RSBN1L: variants seen among roughly 807,000 people sequenced by gnomAD.
RSBN1L encodes the protein round spermatid basic protein 1 like.
A neutral mutation model predicts 67.7 loss-of-function variants in RSBN1L; 30 were observed. The ratio of observed to expected loss-of-function variants is 0.44; its 90% CI spans 0.33 to 0.60. The LOEUF (loss-of-function observed/expected upper bound fraction) is 0.60, where lower values mean the gene tolerates loss of function less well. RSBN1L is among the 20% of genes least tolerant of loss of function. The pLI, the probability that RSBN1L is intolerant of heterozygous loss-of-function variation, is 0.02. For synonymous variants in RSBN1L, 433 were observed against 387.0 expected (o/e 1.12, Z -1.39); for missense variants, 992 against 1,031.7 (o/e 0.96, Z 0.53).
rs996189007 is a variant in RSBN1L, at chr7:77,731,847, T to G, written c.587-4563T>G. Among the ~76,000 whole-genome samples the G allele has an allele frequency of 2.0e-5, 3 of 148,374 alleles. No homozygotes were observed. In the East Asian group the frequency reaches 5.9e-4, roughly 29 times the overall value. ...CATACCACTTCTCCTAGTTTAGACT[T>G]TTTTTTTTTTGGTATGTGGATATCC... On this transcript the variant is annotated intron_variant, in intron 1 of 7. Coordinates refer to ENST00000334955, the MANE Select transcript of RSBN1L (RefSeq NM_198467.3).
intron 2 of RSBN1L, among the ~76,000 whole-genome samples, chr7:77,746,856 T>A (rs1791490866): frequency 6.6e-6 from 1 of 152,180 alleles, no homozygotes; most frequent in African/African-American, 2.4e-5. Flanking sequence ...CATTAAACCT[T>A]AAAGCTCCAA....
rs530012596 is a variant in RSBN1L at position 77,723,623 on chromosome 7, C to T, written c.587-12787C>T. ...AGCTGGGACTGCAGGCATGTACCAC[C>T]ATGCCCAGTTAATTTAAAAAGAATT... On this transcript the variant is annotated intron_variant, in intron 1 of 7. Coordinates refer to ENST00000334955, the MANE Select transcript of RSBN1L (RefSeq NM_198467.3). 1.8e-3 allele frequency among the ~76,000 whole-genome samples: 273 copies of T among 152,196 alleles called. 2 individuals are homozygous for T. Among genetic ancestry groups the T allele is most frequent in the African/African-American group, 5.9e-3 (247 of 41,558 alleles).
intron 6 of RSBN1L, 35 bp downstream of exon 6, chr7:77,773,349 T>G (rs1481011593): frequency 2.2e-6 from 3 of 1,366,488 alleles, no homozygotes; most frequent in Non-Finnish European, 1.9e-6. Context: ...ATGAAAGAAT[T>G]TCTTGGCTTC....
intron 1 of RSBN1L, among the ~76,000 whole-genome samples, chr7:77,719,991 C>T (rs1295530211): frequency 6.6e-6 from 1 of 152,188 alleles, no homozygotes; most frequent in Non-Finnish European, 1.5e-5. Context: ...CCTTGAACTC[C>T]TGGCCTCAAG....
At chr7:77,726,586 T>C (rs1040118703) in intron 1 of RSBN1L, among the ~76,000 whole-genome samples, 2 of 152,146 alleles carry the variant, frequency 1.3e-5, no homozygotes, top group Non-Finnish European at 2.9e-5. Context: ...GATTTCGTGT[T>C]CCTCAGCTCG....
intron 5 of RSBN1L, among the ~76,000 whole-genome samples, chr7:77,770,353 C>T (rs139357662): frequency 3.0e-3 from 441 of 146,926 alleles, no homozygotes; most frequent in African/African-American, 0.01. Flanking sequence ...CCAGCCTGGC[C>T]GATAGAGCGA....
chr7:77,710,882 G>A (rs375261071), intron 1 of RSBN1L, among the ~76,000 whole-genome samples: 10 of 152,036 alleles, frequency 6.6e-5, no homozygotes, highest in East Asian at 1.9e-4. Context: ...TTAAGCCACC[G>A]TGCCCAGCCT....
At position 77,713,317 on chromosome 7, in the gene RSBN1L, C is replaced by A. The variant is rs556719065; in HGVS notation, c.586+16262C>A. 3.3e-5 allele frequency among the ~76,000 whole-genome samples: 5 copies of A among 151,522 alleles called. 1 individual carries two copies. The South Asian group carries it at 1.0e-3, about 32-fold the overall frequency. ...TTTTCTGTTTTTATGTACTCAAATT[C>A]ATCAGTAATTTAATTTTTTGGCTTT... On this transcript the variant is annotated intron_variant, in intron 1 of 7. Coordinates refer to ENST00000334955, the MANE Select transcript of RSBN1L (RefSeq NM_198467.3).
rs71529102 is a variant in RSBN1L at position 77,703,477 on chromosome 7, G to GTTTTTTTTTTT, written c.586+6442_586+6452dup. Among the ~76,000 whole-genome samples the GTTTTTTTTTTT allele has an allele frequency of 4.4e-4, 27 of 61,608 alleles. 2 individuals are homozygous for GTTTTTTTTTTT. Among genetic ancestry groups the GTTTTTTTTTTT allele is most frequent in the Admixed American group, 6.1e-4 (2 of 3,272 alleles). 40.4% of individuals were successfully genotyped at this position (61,608 alleles called of 152,430 possible). A position where few individuals can be genotyped will look rare whatever the true frequency, so the allele number is the denominator to read the frequency against. On this transcript the variant is annotated intron_variant, in intron 1 of 7. Transcript: ENST00000334955. ...GTGTCTCTTTTTTCCTACTGTTTGGGTTTTTTTTTTTTTTTTTTTTTTTTT... is the reference window on the plus strand; with the variant it reads ...GTGTCTCTTTTTTCCTACTGTTTGGGTTTTTTTTTTTTTTTTTTTTTTTTTTTTTTTTTTTT...
At chr7:77,727,027 C>T (rs1024110264) in intron 1 of RSBN1L, among the ~76,000 whole-genome samples, 20 of 151,614 alleles carry the variant, frequency 1.3e-4, no homozygotes, top group African/African-American at 3.4e-4. Flanking sequence ...GTGATCCACC[C>T]GCCTTGGCCT....
intron 1 of RSBN1L, among the ~76,000 whole-genome samples, chr7:77,705,380 TGA>T (rs1454236148): frequency 1.3e-5 from 2 of 152,166 alleles, no homozygotes; most frequent in Admixed American, 6.5e-5. Context: ...ACAATTTTGG[TGA>T]GAGTGTTTCC....
intron 1 of RSBN1L, among the ~76,000 whole-genome samples, chr7:77,720,901 C>CCCGAGTA (rs2150416053): frequency 6.6e-6 from 1 of 151,356 alleles, no homozygotes; most frequent in African/African-American, 2.4e-5. Flanking sequence ...GAATTACAGG[C>CCCGAGTA]GTGGGCGACC....
At chr7:77,755,147 AGGTACCAATATT>A (rs1267841869) in intron 3 of RSBN1L, among the ~76,000 whole-genome samples, 1 of 152,180 alleles carries the variant, frequency 6.6e-6, no homozygotes, top group African/African-American at 2.4e-5. Flanking sequence ...GGAAGAGCAG[AGGTACCAATATT>A]GGAATGTAGT....
chr7:77,749,319 A>G, intron 2 of RSBN1L, 105 bp from the exon 3 acceptor site: 2 of 829,706 alleles, frequency 2.4e-6, no homozygotes, highest in Non-Finnish European at 3.7e-6. Context: ...TATAATTCTG[A>G]GTAAATTTTC....
intron 1 of RSBN1L, among the ~76,000 whole-genome samples, chr7:77,709,003 C>G (rs920246885): frequency 1.3e-5 from 2 of 152,072 alleles, no homozygotes. Flanking sequence ...AAGCATATCA[C>G]TGAAGAATTG....
intron 2 of RSBN1L, among the ~76,000 whole-genome samples, chr7:77,747,345 C>A (rs758658205): frequency 5.9e-5 from 9 of 152,204 alleles, no homozygotes; most frequent in Non-Finnish European, 8.8e-5. Context: ...TCCTAGAAGG[C>A]ATTTCAGAGA....
intron 1 of RSBN1L, among the ~76,000 whole-genome samples, chr7:77,731,388 A>G (rs1791270022): frequency 6.6e-6 from 1 of 152,016 alleles, no homozygotes; most frequent in Admixed American, 6.6e-5. Context: ...GGCACGCACC[A>G]CCGTGCCCAG....
chr7:77,731,021 A>G (rs1048092794), intron 1 of RSBN1L, among the ~76,000 whole-genome samples: 1 of 152,048 alleles, frequency 6.6e-6, no homozygotes, highest in Non-Finnish European at 1.5e-5. Flanking sequence ...TTTGCTCTGT[A>G]TTTTTGTCAG....
intron 1 of RSBN1L, among the ~76,000 whole-genome samples, chr7:77,732,087 T>G (rs1404202543): frequency 6.6e-6 from 1 of 152,174 alleles, no homozygotes; most frequent in Non-Finnish European, 1.5e-5. Flanking sequence ...ATTTCTTGCT[T>G]TTATGGTGTT....
Sources: gnomAD v4.1 joint callset for allele counts (sites outside exome capture counted in the v4.1 genomes callset) on GRCh38, gnomAD v4.1.1 for gene constraint, MANE v1.5 for transcripts, NCBI Gene and HGNC (gene_info 2026-07-23, HGNC 2026-07-21) for gene names.